The following ADAMTS7 variants were observed in gnomAD, a reference collection of about 807,000 sequenced individuals.
The protein encoded by ADAMTS7 is ADAM metallopeptidase with thrombospondin type 1 motif 7, also known as A disintegrin and metalloproteinase with thrombospondin motifs 7.
A neutral mutation model predicts 172.6 loss-of-function variants in ADAMTS7; 89 were observed. The ratio of observed to expected loss-of-function variants is 0.52; its 90% CI spans 0.43 to 0.61. The LOEUF is 0.61. ADAMTS7 is among the 20% of genes least tolerant of loss of function. ADAMTS7 has a pLI of 0.00. For missense variants in ADAMTS7, 1,973 were observed against 2,355.6 expected (o/e 0.84, Z 3.36); for synonymous variants, 885 against 978.4 (o/e 0.90, Z 1.78).
intron 11 of ADAMTS7, among the ~76,000 whole-genome samples, 156 bp downstream of exon 11, chr15:78,776,032 T>A (rs1298512019): frequency 1.3e-5 from 2 of 152,202 alleles, no homozygotes; most frequent in African/African-American, 2.4e-5. Flanking sequence ...AGAACACTCC[T>A]TGAAAGTGAC....
intron 8 of ADAMTS7, among the ~76,000 whole-genome samples, chr15:78,781,934 C>T (rs1232498197): frequency 6.6e-6 from 1 of 152,202 alleles, no homozygotes; most frequent in Non-Finnish European, 1.5e-5. Context: ...TTCCTCATAT[C>T]ACATGCACAA....
At position 78,765,908 on chromosome 15, in the gene ADAMTS7, T is replaced by C. The variant is rs1177644506; in HGVS notation, c.4003A>G (p.Thr1335Ala). 6.3e-7 allele frequency: 1 copy of C among 1,576,624 alleles called. No homozygotes were observed. Among genetic ancestry groups the C allele is most frequent in the Non-Finnish European group, 8.6e-7 (1 of 1,161,644 alleles). Residue 1335 changes from threonine (T) to alanine (A), a missense_variant, in exon 19 of 24, where the codon ACC becomes GCC. This residue lies in a region of ADAMTS7 where 771 missense variants were observed against 952.6 expected (regional missense o/e 0.81). Coordinates refer to ENST00000388820, the MANE Select transcript of ADAMTS7 (RefSeq NM_014272.5). ...WDLQTVAVWG[T>A]FLPTTLTGLG... ...CCAGTCAGGGTTGTGGGGAGGAAGG[T>C]CCCCCACACTGCCACAGTCTGCAGG... is the stretch of plus-strand genomic sequence containing the variant.
Position 78,801,453 on chromosome 15 carries a change from T to C in ADAMTS7, c.101-906A>G, listed in dbSNP as rs188651334. Among the ~76,000 whole-genome samples, 40 of 152,296 alleles carry C rather than the reference T, an allele frequency of 2.6e-4. No homozygotes were observed. The East Asian group carries it at 7.1e-3, about 27-fold the overall frequency. The stretch of plus-strand genomic sequence containing the variant: ...TTTTCCACATGGCTAAACCATTCAC[T>C]TTTGGGTTGTTGTTCAAATGTCTCC... On this transcript the variant is annotated intron_variant, in intron 1 of 23. Transcript: ENST00000388820.
chr15:78,762,317 G>A lies in ADAMTS7; in HGVS notation c.4903+86C>T, dbSNP rs2055057720. On this transcript the variant is annotated intron_variant, in intron 23 of 23. Transcript: ENST00000388820. ...ACAGATGGAACCAGCCAGTGCCGTGGGCACAATGGTTTGACGACCCCATTT... is the reference window on the plus strand; with the variant it reads ...ACAGATGGAACCAGCCAGTGCCGTGAGCACAATGGTTTGACGACCCCATTT... The A allele has an allele frequency of 1.3e-5, 17 of 1,319,928 alleles. No homozygotes were observed. The East Asian group carries it at 4.9e-4, about 38-fold the overall frequency. 81.8% of individuals were successfully genotyped at this position (1,319,928 alleles called of 1,614,324 possible).
intron 8 of ADAMTS7, among the ~76,000 whole-genome samples, chr15:78,784,237 C>T (rs1420340825): frequency 1.3e-5 from 2 of 151,874 alleles, no homozygotes; most frequent in Admixed American, 6.6e-5. Flanking sequence ...TGGTGGCACA[C>T]ACTTGTTGTC....
chr15:78,782,689 C>T (rs934220209), intron 8 of ADAMTS7, among the ~76,000 whole-genome samples: 3 of 152,046 alleles, frequency 2.0e-5, no homozygotes, highest in East Asian at 1.9e-4. Context: ...AAGCTGAGAG[C>T]CAACTGCCTG....
chr15:78,776,555 A>C, intron 10 of ADAMTS7, 194 bp downstream of exon 10: 1 of 809,218 alleles, frequency 1.2e-6, no homozygotes. Flanking sequence ...AGCTGAAGAC[A>C]CCCTGGGGAA....
chr15:78,774,430 C>A (rs1480856283), intron 12 of ADAMTS7, 130 bp from the exon 13 acceptor site: 39 of 1,388,436 alleles, frequency 2.8e-5, no homozygotes, highest in Non-Finnish European at 3.5e-5. Flanking sequence ...ATGCTGGAGG[C>A]TCCGGCTGGG....
intron 4 of ADAMTS7, 39 bp downstream of exon 4, chr15:78,796,551 A>C (rs2055645679): frequency 1.8e-5 from 28 of 1,554,112 alleles, no homozygotes; most frequent in South Asian, 2.4e-5. Flanking sequence ...ACCCCCCAAC[A>C]CCATCCCCGC....
intron 1 of ADAMTS7, among the ~76,000 whole-genome samples, chr15:78,802,027 G>C (rs564840299): frequency 6.6e-6 from 1 of 151,432 alleles, no homozygotes; most frequent in Non-Finnish European, 1.5e-5. Flanking sequence ...GTAGAGATGG[G>C]AGTTTTGCTG....
intron 1 of ADAMTS7, among the ~76,000 whole-genome samples, chr15:78,803,968 C>T (rs1311409986): frequency 1.3e-5 from 2 of 152,180 alleles, no homozygotes; most frequent in Admixed American, 6.5e-5. Flanking sequence ...TTCAAGTTCA[C>T]GGATCCCCTC....
At position 78,800,295 on chromosome 15, in the gene ADAMTS7, C is replaced by T; in HGVS notation, c.353G>A (p.Arg118His). The change falls in exon 2 of 24, where the codon CGC becomes CAC. Residue 118 changes from arginine to histidine, a missense_variant. Physicochemically the swap from Arg to His is conservative, Grantham distance 29. Transcript: ENST00000388820. ...CGGGGTGTGGGCCCGGATGTGCGCG[C>T]GGCCCAGGCCGCCGCGCCGCCGCGT... is the stretch of plus-strand genomic sequence containing the variant. ...SETRRRGGLG[R>H]AHIRAHTPAC... 1.3e-6 allele frequency: 2 copies of T among 1,587,124 alleles called. No homozygotes were observed. Among genetic ancestry groups the T allele is most frequent in the Non-Finnish European group, 1.7e-6 (2 of 1,172,434 alleles).
chr15:78,777,026 G>C (rs894995149), intron 9 of ADAMTS7, 185 bp from the exon 10 acceptor site: 22 of 603,200 alleles, frequency 3.6e-5, no homozygotes, highest in Admixed American at 5.6e-5. Context: ...TGGTGGTGTG[G>C]GGCGCCCGGG....
intron 1 of ADAMTS7, among the ~76,000 whole-genome samples, chr15:78,809,268 AG>A (rs1433198773): frequency 6.6e-6 from 1 of 152,160 alleles, no homozygotes; most frequent in Non-Finnish European, 1.5e-5. Context: ...GTCTTAAAGA[AG>A]GTAACATTCA....
At chr15:78,765,507 C>A in intron 19 of ADAMTS7, 138 bp downstream of exon 19, 1 of 1,399,976 alleles carries the variant, frequency 7.1e-7, no homozygotes, top group Non-Finnish European at 9.7e-7. Flanking sequence ...GTCCCCTCAT[C>A]CCCCTAATCC....
chr15:78,796,552 C>T (rs779822342), intron 4 of ADAMTS7, 38 bp downstream of exon 4: 30 of 1,582,424 alleles, frequency 1.9e-5, no homozygotes, highest in Middle Eastern at 1.7e-4. Flanking sequence ...CCCCCCAACA[C>T]CATCCCCGCC....
intron 22 of ADAMTS7, among the ~76,000 whole-genome samples, chr15:78,763,364 C>T (rs558620665): frequency 6.6e-6 from 1 of 152,208 alleles, no homozygotes; most frequent in East Asian, 1.9e-4. Context: ...TGGCCTTTGC[C>T]GGGCTCCCCG....
intron 8 of ADAMTS7, among the ~76,000 whole-genome samples, chr15:78,786,661 A>G (rs2141504188): frequency 6.6e-6 from 1 of 152,288 alleles, no homozygotes; most frequent in African/African-American, 2.4e-5. Context: ...TGGTAAGAAA[A>G]GGTAGACAGC....
At chr15:78,781,189 T>G (rs1049998978) in intron 8 of ADAMTS7, among the ~76,000 whole-genome samples, 2 of 152,208 alleles carry the variant, frequency 1.3e-5, no homozygotes, top group African/African-American at 4.8e-5. Flanking sequence ...CCTGACTGTT[T>G]GGCACTTTCG....
Sources: gnomAD v4.1 joint callset for allele counts (sites outside exome capture counted in the v4.1 genomes callset) on GRCh38, gnomAD v4.1.1 for gene constraint, gnomAD v4.1.1 regional missense constraint, MANE v1.5 for transcripts, NCBI Gene and HGNC (gene_info 2026-07-23, HGNC 2026-07-21) for gene names.